Variants in AGBL4 observed in about 807,000 individuals in gnomAD.
AGBL4 encodes the protein AGBL carboxypeptidase 4, also known as cytosolic carboxypeptidase 6.
A neutral mutation model predicts 66.4 loss-of-function variants in AGBL4; 58 were observed. That is an observed-to-expected ratio of 0.87 (90% confidence interval 0.71 to 1.09). AGBL4 has a LOEUF of 1.09. Among genes scored for constraint, AGBL4 ranks in the 50% least tolerant of loss-of-function variants. The probability of loss-of-function intolerance (pLI) is 0.00; values close to 1 mark genes in which losing one functional copy is unlikely to be tolerated. For synonymous variants in AGBL4, 234 were observed against 222.9 expected, an observed-to-expected ratio of 1.05 and a Z score of -0.44; for missense variants, 579 against 631.0, an observed-to-expected ratio of 0.92 and a Z score of 0.88.
intron 1 of AGBL4, among the ~76,000 whole-genome samples, chr1:49,921,894 C>A (rs1045933853): frequency 6.6e-6 from 1 of 152,126 alleles, no homozygotes; most frequent in Non-Finnish European, 1.5e-5. Flanking sequence ...TCCACTGACT[C>A]AAATATCAAT....
chr1:48,717,759 T>C (rs1647076872), intron 6 of AGBL4, among the ~76,000 whole-genome samples: 1 of 152,170 alleles, frequency 6.6e-6, no homozygotes. Context: ...CATTGAGGCT[T>C]TGATGAAAAG....
intron 3 of AGBL4, among the ~76,000 whole-genome samples, chr1:49,397,511 T>C (rs771345671): frequency 5.3e-5 from 8 of 152,118 alleles, no homozygotes; most frequent in Admixed American, 1.3e-4. Context: ...CTTTCTCTAA[T>C]AACAACTCAC....
intron 3 of AGBL4, among the ~76,000 whole-genome samples, chr1:49,479,703 C>CTTTTTTTT (rs1351125149): frequency 1.1e-4 from 15 of 136,880 alleles, no homozygotes; most frequent in South Asian, 2.4e-4. Context: ...TTCTTTTTTT[C>CTTTTTTTT]TTTTTTTTTT....
chr1:49,887,474 A>T (rs1379098493), intron 1 of AGBL4, among the ~76,000 whole-genome samples: 2 of 152,108 alleles, frequency 1.3e-5, no homozygotes, highest in Non-Finnish European at 2.9e-5. Flanking sequence ...TCAAAAGAAC[A>T]GCTGGGAGAA....
At chr1:49,450,480 C>T (rs1477522677) in intron 3 of AGBL4, among the ~76,000 whole-genome samples, 3 of 151,956 alleles carry the variant, frequency 2.0e-5, no homozygotes, top group Admixed American at 2.0e-4. Flanking sequence ...GGCTATAGTT[C>T]CCATAGTTGG....
intron 2 of AGBL4, among the ~76,000 whole-genome samples, chr1:49,836,656 G>T (rs1048621559): frequency 6.6e-6 from 1 of 152,156 alleles, no homozygotes; most frequent in Admixed American, 6.5e-5. Flanking sequence ...GAGAAGAGGT[G>T]TTCTGGTTTT....
At chr1:49,078,952 C>T (rs563913893) in intron 4 of AGBL4, among the ~76,000 whole-genome samples, 19 of 152,080 alleles carry the variant, frequency 1.2e-4, no homozygotes, top group Admixed American at 8.5e-4. Context: ...CTTCCAAGTT[C>T]TACCTCTCAT....
In AGBL4 at chr1:49,959,234, C is replaced by A. The variant is rs192137424; in HGVS notation, c.34+64529G>T. 4.0e-3 allele frequency among the ~76,000 whole-genome samples: 605 copies of A among 152,064 alleles called. 1 individual carries two copies. Among genetic ancestry groups the A allele is most frequent in the Non-Finnish European group, 6.6e-3 (447 of 67,954 alleles). ...TCCAAAGCATGGCAGATAGTTTTAT[C>A]AGGCTGTTTTTAAATGGCTGGCTCA... On this transcript the variant is annotated intron_variant, in intron 1 of 13. Transcript: ENST00000371839.
rs182540964 is a variant in AGBL4, at chr1:49,788,756, G to A, written c.157+62640C>T. ...GTTGAAGAAAAGTTAACAAAGCTTCGTGGACGCATGGGAAAATAACAAGCA... is the reference window on the plus strand; with the variant it reads ...GTTGAAGAAAAGTTAACAAAGCTTCATGGACGCATGGGAAAATAACAAGCA... On this transcript the variant is annotated intron_variant, in intron 2 of 13. Transcript: ENST00000371839. Among the ~76,000 whole-genome samples, 7 of 152,272 alleles carry A rather than the reference G, an allele frequency of 4.6e-5. No homozygotes were observed. The East Asian group carries it at 7.7e-4, about 17-fold the overall frequency.
chr1:48,960,547 G>T (rs890520142), intron 5 of AGBL4, among the ~76,000 whole-genome samples: 4 of 152,156 alleles, frequency 2.6e-5, no homozygotes, highest in African/African-American at 9.7e-5. Flanking sequence ...ACAAGCTCTG[G>T]TGTATTTCAA....
At chr1:49,800,539 C>A (rs1644837057) in intron 2 of AGBL4, among the ~76,000 whole-genome samples, 1 of 108,652 alleles carries the variant, frequency 9.2e-6, no homozygotes, top group Admixed American at 1.0e-4. Flanking sequence ...CAACAGTCCC[C>A]AGAGTGTGAT....
At chr1:49,574,928 CAG>C (rs1380693324) in intron 3 of AGBL4, among the ~76,000 whole-genome samples, 4 of 152,020 alleles carry the variant, frequency 2.6e-5, no homozygotes, top group African/African-American at 9.7e-5. Context: ...ATAATAAAGA[CAG>C]AGAATCATGG....
At position 48,654,062 on chromosome 1, in the gene AGBL4, C is replaced by T. The variant is rs143716773; in HGVS notation, c.725-611G>A. 6.4e-4 allele frequency among the ~76,000 whole-genome samples: 98 copies of T among 152,286 alleles called. No individual in the cohort carries two copies. The East Asian group carries it at 0.016, about 24-fold the overall frequency. The stretch of plus-strand genomic sequence containing the variant: ...AGGACTCCAGGGATGATTGCCTTCC[C>T]GGCTTCTCACTGGCACTAAAATCAC... On this transcript the variant is annotated intron_variant, in intron 7 of 13. Transcript: ENST00000371839.
chr1:48,758,590 G>A (rs539565955), intron 6 of AGBL4, among the ~76,000 whole-genome samples: 5 of 152,248 alleles, frequency 3.3e-5, no homozygotes, highest in East Asian at 1.9e-4. Context: ...GGTTCCCTAC[G>A]ATCCCTGTTA....
chr1:49,003,412 C>A (rs1201827122), intron 5 of AGBL4, among the ~76,000 whole-genome samples: 1 of 151,948 alleles, frequency 6.6e-6, no homozygotes, highest in East Asian at 1.9e-4. Context: ...AAAATAAATA[C>A]ATACATACAA....
chr1:49,187,983 T>C (rs1647045017), intron 4 of AGBL4, among the ~76,000 whole-genome samples: 1 of 152,134 alleles, frequency 6.6e-6, no homozygotes, highest in Non-Finnish European at 1.5e-5. Flanking sequence ...TCACGAGCTA[T>C]GATGGTTTTA....
intron 3 of AGBL4, among the ~76,000 whole-genome samples, chr1:49,322,063 G>A (rs1284933870): frequency 1.3e-5 from 2 of 152,212 alleles, no homozygotes; most frequent in Admixed American, 1.3e-4. Context: ...TATTTAGCAG[G>A]AATAAGAAAT....
intron 1 of AGBL4, among the ~76,000 whole-genome samples, chr1:49,907,237 A>G (rs1650366312): frequency 6.6e-6 from 1 of 152,188 alleles, no homozygotes; most frequent in Non-Finnish European, 1.5e-5. Context: ...TATAAAGAAC[A>G]GTAGCAATAT....
intron 9 of AGBL4, among the ~76,000 whole-genome samples, chr1:48,591,186 C>T (rs527284264): frequency 4.1e-4 from 60 of 146,264 alleles, no homozygotes; most frequent in South Asian, 2.6e-3. Flanking sequence ...AGACAGGTGA[C>T]GACCAATTCC....
Sources: gnomAD v4.1 joint callset for allele counts (sites outside exome capture counted in the v4.1 genomes callset) on GRCh38, gnomAD v4.1.1 for gene constraint, MANE v1.5 for transcripts, NCBI Gene and HGNC (gene_info 2026-07-23, HGNC 2026-07-21) for gene names.